Variants in RAB30 observed in about 807,000 individuals in gnomAD.
RAB30 encodes the protein ras-related protein Rab-30.
Under a neutral mutation model 25.1 loss-of-function variants are expected in RAB30, and 9 were observed. The observed-to-expected ratio is 0.36, with a 90% CI of 0.22 to 0.63. The LOEUF (loss-of-function observed/expected upper bound fraction) is 0.63. Among genes scored for constraint, RAB30 ranks in the 20% least tolerant of loss-of-function variants. The probability of loss-of-function intolerance (pLI) is 0.69; values close to 1 mark genes in which losing one functional copy is unlikely to be tolerated. For synonymous variants in RAB30, 77 were observed against 86.4 expected (o/e 0.89, Z 0.60); for missense variants, 140 against 243.5 (o/e 0.58, Z 2.83).
At chr11:83,024,552 G>A (rs1182210029) in intron 1 of RAB30, among the ~76,000 whole-genome samples, 2 of 152,232 alleles carry the variant, frequency 1.3e-5, no homozygotes, top group Non-Finnish European at 2.9e-5. Context: ...TTATAGGGTA[G>A]GGGAAGGGTG....
intron 1 of RAB30, among the ~76,000 whole-genome samples, chr11:83,058,944 C>T (rs896783073): frequency 1.3e-5 from 2 of 152,200 alleles, no homozygotes; most frequent in African/African-American, 4.8e-5. Flanking sequence ...GCTAAAGCAG[C>T]CTTCTCTAAT....
intron 1 of RAB30, among the ~76,000 whole-genome samples, chr11:83,056,389 T>C (rs1858459314): frequency 6.6e-6 from 1 of 152,244 alleles, no homozygotes; most frequent in Admixed American, 6.5e-5. Context: ...AATATTCCAC[T>C]GTATGTAAAT....
At chr11:83,051,855 G>C (rs540549595) in intron 1 of RAB30, among the ~76,000 whole-genome samples, 1 of 152,268 alleles carries the variant, frequency 6.6e-6, no homozygotes, top group African/African-American at 2.4e-5. Flanking sequence ...TGCTGTCCCA[G>C]AATCTATTGG....
At chr11:83,058,340 C>CA (rs1412621259) in intron 1 of RAB30, among the ~76,000 whole-genome samples, 2 of 152,208 alleles carry the variant, frequency 1.3e-5, no homozygotes, top group African/African-American at 4.8e-5. Context: ...GCCTTTATGG[C>CA]AAAAAATAAA....
chr11:82,982,349 GCTT>G lies in RAB30; in HGVS notation c.425_427del (p.Glu142del). The G allele has an allele frequency of 6.2e-7, 1 of 1,614,140 alleles. No homozygotes were observed. Among genetic ancestry groups the G allele is most frequent in the Non-Finnish European group, 8.5e-7 (1 of 1,179,998 alleles). Reference sequence around the variant, plus strand: ...GGTCTCCAGATAATACATGTCCTGAGCTTCTGAGAATTCTTCAGCTCGCTGCTG... The same window carrying G: ...GGTCTCCAGATAATACATGTCCTGAGCTGAGAATTCTTCAGCTCGCTGCTG... On this transcript the variant is annotated inframe_deletion, in exon 5 of 5. Coordinates refer to ENST00000527633, the MANE Select transcript of RAB30 (RefSeq NM_001286060.2).
In RAB30 at chr11:82,975,525, T is replaced by C. The variant is rs1195288275; in HGVS notation, c.*6640A>G. 1.3e-5 allele frequency: 2 copies of C among 152,172 alleles called. No individual in the cohort carries two copies. Among genetic ancestry groups the C allele is most frequent in the Non-Finnish European group, 2.9e-5 (2 of 68,016 alleles). 9.4% of individuals were successfully genotyped at this position (152,172 alleles called of 1,614,324 possible). On this transcript the variant is annotated 3_prime_UTR_variant, in exon 5 of 5. Coordinates refer to ENST00000527633, the MANE Select transcript of RAB30 (RefSeq NM_001286060.2). Reference sequence around the variant, plus strand: ...CACGTAGAAAGGGGAAGAAACGCTTTTGGATGTTGGTAATTATGTACATCA... The same window carrying C: ...CACGTAGAAAGGGGAAGAAACGCTTCTGGATGTTGGTAATTATGTACATCA...
chr11:82,987,601 A>G lies in RAB30; in HGVS notation c.347T>C (p.Ile116Thr). ...CCCTTACTTACCCACTAACACAGTGATGACCTTGTTGCTGGCATATTGTTC... is the reference window on the plus strand; with the variant it reads ...CCCTTACTTACCCACTAACACAGTGGTGACCTTGTTGCTGGCATATTGTTC... ...EIEQYASNKVITVLVGNKIDL... is the reference protein window; with the variant it reads ...EIEQYASNKVTTVLVGNKIDL... The change falls in exon 4 of 5, where the codon ATC (isoleucine) becomes ACC (threonine). Residue 116 changes from isoleucine (I) to threonine (T), a missense_variant. Physicochemically the swap from Ile to Thr is moderately conservative, Grantham distance 89 (BLOSUM62 -1). Coordinates refer to ENST00000527633, the MANE Select transcript of RAB30 (RefSeq NM_001286060.2). The G allele has an allele frequency of 6.2e-7, 1 of 1,612,578 alleles. No homozygotes were observed. The highest frequency in any genetic ancestry group is 2.2e-5 in the East Asian group (1 of 44,796).
intron 1 of RAB30, among the ~76,000 whole-genome samples, chr11:83,001,046 CAAAAAAAAAAAAAAA>C (rs1181057652): frequency 1.6e-3 from 87 of 53,648 alleles, no homozygotes; most frequent in African/African-American, 6.5e-3. Context: ...GACTCCGTCT[CAAAAAAAAAAAAAAA>C]AAAAAAAAAG....
chr11:83,067,825 C>T (rs1009312194), intron 1 of RAB30, among the ~76,000 whole-genome samples: 8 of 152,104 alleles, frequency 5.3e-5, no homozygotes, highest in Admixed American at 2.0e-4. Context: ...AACCCCATCT[C>T]TACTAAAAAT....
In RAB30 at chr11:82,982,310, G is replaced by A; in HGVS notation, c.467C>T (p.Ser156Phe). ...MYYLETSAKE[S>F]DNVEKLFLDL... ...AAGGAAGAGTTTCTCCACATTATCA[G>A]ATTCCTTGGCTGAGGTCTCCAGATA... The change falls in exon 5 of 5, where the codon TCT becomes TTT. Residue 156 changes from serine to phenylalanine, a missense_variant. Transcript: ENST00000527633. The A allele has an allele frequency of 6.2e-7, 1 of 1,614,204 alleles. No homozygotes were observed. Among genetic ancestry groups the A allele is most frequent in the Non-Finnish European group, 8.5e-7 (1 of 1,180,040 alleles).
chr11:83,070,476 T>C (rs1426665180), intron 1 of RAB30, among the ~76,000 whole-genome samples: 1 of 152,194 alleles, frequency 6.6e-6, no homozygotes, highest in East Asian at 1.9e-4. Flanking sequence ...AGGTTTAGCA[T>C]TCTAGAGTTA....
intron 1 of RAB30, among the ~76,000 whole-genome samples, chr11:83,014,058 G>A (rs191362907): frequency 6.6e-6 from 1 of 152,302 alleles, no homozygotes; most frequent in East Asian, 1.9e-4. Flanking sequence ...TGAACAAGAA[G>A]ACAAGTTCCC....
intron 1 of RAB30, among the ~76,000 whole-genome samples, chr11:83,044,752 A>G (rs1319647099): frequency 6.6e-6 from 1 of 152,226 alleles, no homozygotes; most frequent in East Asian, 1.9e-4. Context: ...GCTCAAAGCC[A>G]AATCCACCCC....
chr11:82,983,611 A>G (rs75382891), intron 4 of RAB30, among the ~76,000 whole-genome samples: 1 of 139,422 alleles, frequency 7.2e-6, no homozygotes, highest in African/African-American at 2.7e-5. Flanking sequence ...TTTTTTTTTT[A>G]TTTTTTGCAG....
intron 1 of RAB30, among the ~76,000 whole-genome samples, chr11:83,024,059 G>A (rs537829719): frequency 6.6e-6 from 1 of 152,246 alleles, no homozygotes; most frequent in South Asian, 2.1e-4. Flanking sequence ...CTTGGGGAAG[G>A]ACTGGATTTT....
At chr11:83,061,710 C>CT (rs569263010) in intron 1 of RAB30, among the ~76,000 whole-genome samples, 70,027 of 81,218 alleles carry the variant, frequency 0.86, 30,473 homozygotes, top group South Asian at 0.9. Flanking sequence ...TCTTTCTTTT[C>CT]TTTTTTTTTT....
intron 1 of RAB30, among the ~76,000 whole-genome samples, chr11:83,048,659 C>G (rs910001340): frequency 1.3e-5 from 2 of 152,270 alleles, no homozygotes; most frequent in East Asian, 3.9e-4. Context: ...AAAAAAATCT[C>G]TTTACTTCCC....
intron 2 of RAB30, among the ~76,000 whole-genome samples, chr11:82,994,572 A>C (rs1013390632): frequency 1.3e-5 from 2 of 152,222 alleles, no homozygotes; most frequent in Non-Finnish European, 2.9e-5. Flanking sequence ...AAAACTAGTT[A>C]TCAGTCTTGA....
At chr11:83,049,467 G>A (rs1376271807) in intron 1 of RAB30, among the ~76,000 whole-genome samples, 7 of 138,906 alleles carry the variant, frequency 5.0e-5, no homozygotes, top group Non-Finnish European at 9.5e-5. Context: ...AGAGGCGGGG[G>A]GTGCAGGGGG....
Sources: allele counts gnomAD v4.1 joint callset (sites outside exome capture counted in the v4.1 genomes callset), GRCh38; gene constraint gnomAD v4.1.1; transcripts MANE v1.5; gene names NCBI Gene and HGNC (gene_info 2026-07-23, HGNC 2026-07-21).